ACOXL: variants seen among roughly 807,000 people sequenced by gnomAD.
ACOXL encodes acyl-coenzyme A oxidase-like protein.
In ACOXL, 70 loss-of-function variants were observed where a neutral mutation model predicts 71.9. That is an observed-to-expected ratio of 0.97 (90% CI 0.80 to 1.19). The LOEUF (loss-of-function observed/expected upper bound fraction) is 1.19. Ranked by LOEUF, ACOXL falls within the 50% of genes most tolerant of loss-of-function variation. The pLI, the probability that ACOXL is intolerant of heterozygous loss-of-function variation, is 0.00. For synonymous variants in ACOXL, 253 were observed against 281.6 expected (o/e 0.90, Z 1.02); for missense variants, 703 against 736.3 (o/e 0.95, Z 0.52).
At chr2:110,948,168 C>A (rs1574242522) in intron 12 of ACOXL, among the ~76,000 whole-genome samples, 4 of 152,222 alleles carry the variant, frequency 2.6e-5, no homozygotes, top group Admixed American at 2.6e-4. Flanking sequence ...CTCGAAAAAG[C>A]TCTGCAACCT....
Position 111,091,270 on chromosome 2 carries a change from C to T in ACOXL, c.1441-1595C>T, listed in dbSNP as rs76752550. ...TCTTAGGGGTCTCCTACATCTTGTC[C>T]ATCCTATTTAAATGCTTCTTATATT... is the stretch of plus-strand genomic sequence containing the variant. On this transcript the variant is annotated intron_variant, in intron 16 of 17. Coordinates refer to ENST00000439055, the MANE Select transcript of ACOXL (RefSeq NM_001142807.4). Among the ~76,000 whole-genome samples, 19 of 152,292 alleles carry T rather than the reference C, an allele frequency of 1.2e-4. No individual in the cohort carries two copies. In the East Asian group the frequency reaches 3.7e-3, roughly 29 times the overall value.
intron 9 of ACOXL, among the ~76,000 whole-genome samples, chr2:110,820,035 C>T (rs1188699576): frequency 1.3e-5 from 2 of 152,204 alleles, no homozygotes; most frequent in Non-Finnish European, 2.9e-5. Flanking sequence ...GTCCCTTGCA[C>T]CGTGCCTGAC....
At chr2:110,895,494 T>C (rs1359606996) in intron 10 of ACOXL, among the ~76,000 whole-genome samples, 3 of 152,060 alleles carry the variant, frequency 2.0e-5, no homozygotes, top group Non-Finnish European at 4.4e-5. Context: ...ATAGGAGGGC[T>C]GAAAAAGTGC....
chr2:110,822,988 C>G (rs1048064603), intron 9 of ACOXL, among the ~76,000 whole-genome samples: 2 of 152,144 alleles, frequency 1.3e-5, no homozygotes, highest in Admixed American at 1.3e-4. Flanking sequence ...TGCAGTGGCT[C>G]ACACCTGTAC....
At chr2:111,073,366 T>G (rs1228797775) in intron 16 of ACOXL, among the ~76,000 whole-genome samples, 1 of 152,220 alleles carries the variant, frequency 6.6e-6, no homozygotes, top group African/African-American at 2.4e-5. Flanking sequence ...CTCATTATTT[T>G]TCTAAAAGTT....
At chr2:110,953,751 G>A (rs2149418030) in intron 12 of ACOXL, among the ~76,000 whole-genome samples, 1 of 152,332 alleles carries the variant, frequency 6.6e-6, no homozygotes, top group Non-Finnish European at 1.5e-5. Context: ...ATGGGTGGGT[G>A]TCCTCAGGAA....
chr2:110,935,104 A>G (rs769380379), intron 12 of ACOXL, among the ~76,000 whole-genome samples: 3 of 151,896 alleles, frequency 2.0e-5, no homozygotes, highest in African/African-American at 4.8e-5. Flanking sequence ...TTAGGTCAGC[A>G]GGTGGGGGGT....
intron 10 of ACOXL, among the ~76,000 whole-genome samples, chr2:110,898,307 A>G (rs1315394665): frequency 6.6e-6 from 1 of 152,202 alleles, no homozygotes; most frequent in African/African-American, 2.4e-5. Flanking sequence ...AGAATGCAGG[A>G]CAATATTCTT....
intron 10 of ACOXL, among the ~76,000 whole-genome samples, chr2:110,872,389 C>T (rs892904625): frequency 6.6e-6 from 1 of 152,184 alleles, no homozygotes; most frequent in Admixed American, 6.5e-5. Context: ...CAGTTTGTAG[C>T]GGGTGCAATA....
chr2:110,896,811 A>G (rs369282946), intron 10 of ACOXL, among the ~76,000 whole-genome samples: 1 of 152,310 alleles, frequency 6.6e-6, no homozygotes, highest in East Asian at 1.9e-4. Context: ...TTTCTCAACA[A>G]TTGATGGAAC....
intron 14 of ACOXL, among the ~76,000 whole-genome samples, chr2:110,998,289 C>G (rs1018604558): frequency 2.0e-5 from 3 of 152,114 alleles, no homozygotes; most frequent in Non-Finnish European, 1.5e-5. Context: ...AAATTGAAAG[C>G]TAACATAACT....
chr2:110,733,299 A>G (rs1195129381), intron 1 of ACOXL, among the ~76,000 whole-genome samples: 1 of 151,778 alleles, frequency 6.6e-6, no homozygotes, highest in African/African-American at 2.4e-5. Flanking sequence ...GGGCAGCTTC[A>G]GCGGGGCGGT....
At chr2:110,968,322 G>C (rs1255934915) in intron 12 of ACOXL, 8 of 1,196,800 alleles carry the variant, frequency 6.7e-6, no homozygotes, top group Non-Finnish European at 8.6e-6. Flanking sequence ...TTGGCTCCCT[G>C]AAGGGAGCTG....
chr2:110,897,146 T>C (rs1478456995), intron 10 of ACOXL, among the ~76,000 whole-genome samples: 1 of 152,134 alleles, frequency 6.6e-6, no homozygotes, highest in African/African-American at 2.4e-5. Flanking sequence ...AAAGAGGAAC[T>C]CTCAGGAAAA....
At chr2:110,873,740 A>C (rs1431589423) in intron 10 of ACOXL, among the ~76,000 whole-genome samples, 1 of 152,140 alleles carries the variant, frequency 6.6e-6, no homozygotes, top group Admixed American at 6.5e-5. Flanking sequence ...AGGGGCCAGG[A>C]GGGGCCCGGG....
In ACOXL at chr2:111,070,769, C is replaced by T. The variant is rs549170639; in HGVS notation, c.1440+21481C>T. On this transcript the variant is annotated intron_variant, in intron 16 of 17. Coordinates refer to ENST00000439055, the MANE Select transcript of ACOXL (RefSeq NM_001142807.4). Reference sequence around the variant, plus strand: ...ACTTTTCATTTCCCGCCAGTTGAAGCGGCCAGGATACAGCTATGTTTCATC... The same window carrying T: ...ACTTTTCATTTCCCGCCAGTTGAAGTGGCCAGGATACAGCTATGTTTCATC... Among the ~76,000 whole-genome samples the T allele has an allele frequency of 2.6e-5, 4 of 152,238 alleles. No individual in the cohort carries two copies. The South Asian group carries it at 8.3e-4, about 32-fold the overall frequency.
At chr2:110,933,905 A>T (rs1198486212) in intron 12 of ACOXL, among the ~76,000 whole-genome samples, 2 of 152,336 alleles carry the variant, frequency 1.3e-5, no homozygotes, top group African/African-American at 4.8e-5. Flanking sequence ...GGGCAAAGGT[A>T]GTAGTGGACA....
At chr2:111,096,794 T>G (rs1349392888) in intron 17 of ACOXL, among the ~76,000 whole-genome samples, 1 of 152,190 alleles carries the variant, frequency 6.6e-6, no homozygotes, top group Non-Finnish European at 1.5e-5. Context: ...AATTTTCCTT[T>G]GAAAGGCCTC....
intron 9 of ACOXL, among the ~76,000 whole-genome samples, chr2:110,836,910 G>A (rs1690535494): frequency 5.9e-5 from 9 of 152,232 alleles, no homozygotes; most frequent in Admixed American, 5.9e-4. Context: ...CAGGCGGGCG[G>A]CCTCCTCGCC....
Sources: allele counts gnomAD v4.1 joint callset (sites outside exome capture counted in the v4.1 genomes callset), GRCh38; gene constraint gnomAD v4.1.1; transcripts MANE v1.5; gene names NCBI Gene and HGNC (gene_info 2026-07-23, HGNC 2026-07-21).